The following HDAC5 variants were observed in gnomAD, a reference collection of about 807,000 sequenced individuals.
HDAC5 encodes the protein antigen NY-CO-9.
HDAC5 carries 25 observed loss-of-function variants against 133.3 expected under a neutral mutation model. The ratio of observed to expected loss-of-function variants is 0.19; its 90% CI spans 0.14 to 0.26. HDAC5 has a LOEUF of 0.26. HDAC5 is among the 10% of genes least tolerant of loss of function. The pLI is 1.00. For missense variants in HDAC5, 1,041 were observed against 1,460.5 expected (o/e 0.71, Z 4.68); for synonymous variants, 589 against 610.8 (o/e 0.96, Z 0.53).
At chr17:44,079,382 C>T (rs2050271137) in intron 23 of HDAC5, 105 bp from the exon 24 acceptor site, 2 of 1,185,678 alleles carry the variant, frequency 1.7e-6, no homozygotes, top group African/African-American at 3.0e-5. Flanking sequence ...TGGCTCACGC[C>T]TGTAATCCCA....
intron 11 of HDAC5, among the ~76,000 whole-genome samples, chr17:44,090,166 G>C (rs919816683): frequency 6.6e-6 from 1 of 151,676 alleles, no homozygotes. Flanking sequence ...CCGGGAGGCA[G>C]AGGTTGCAGT....
chr17:44,087,428 C>A lies in HDAC5; in HGVS notation c.1868G>T (p.Gly623Val). The A allele has an allele frequency of 1.8e-6, 2 of 1,106,450 alleles. No individual in the cohort carries two copies. The highest frequency in any genetic ancestry group is 3.4e-5 in the Admixed American group (2 of 59,178). 68.5% of individuals were successfully genotyped at this position (1,106,450 alleles called of 1,614,324 possible). A position where few individuals can be genotyped will look rare whatever the true frequency, so the allele number is the denominator to read the frequency against. The change falls in exon 13 of 27, where the codon GGT (glycine) becomes GTT (valine). Residue 623 changes from glycine (G) to valine (V), a missense_variant. By Grantham distance (109) the Gly-to-Val change is moderately radical. Around this residue, in one of 9 missense-constraint regions of HDAC5, gnomAD observed 433 missense variants for 531.6 expected, o/e 0.81. Transcript: ENST00000682912. ...GGGGCTCACTTTTTTGTATCCAGCA[C>A]CAGGCTCCTCCAAGTCGGGCCCCTC... is the stretch of plus-strand genomic sequence containing the variant. ...AEEGPDLEEP[G>V]AGYKKLFSDA... is the part of the protein sequence containing the mutation.
At chr17:44,089,747 CAAAAAAAAAAAA>C (rs869263828) in intron 11 of HDAC5, among the ~76,000 whole-genome samples, 7 of 34,070 alleles carry the variant, frequency 2.1e-4, no homozygotes, top group African/African-American at 5.1e-4. Flanking sequence ...AACTTCGTCT[CAAAAAAAAAAAA>C]AAAAAAAAAA....
intron 3 of HDAC5, among the ~76,000 whole-genome samples, chr17:44,108,768 A>AC (rs1052146972): frequency 4.8e-5 from 7 of 147,362 alleles, no homozygotes; most frequent in African/African-American, 1.8e-4. Flanking sequence ...AAAACAAAAA[A>AC]AAAACAAAAA....
At chr17:44,122,654 C>T (rs953680388) in intron 1 of HDAC5, among the ~76,000 whole-genome samples, 1 of 152,196 alleles carries the variant, frequency 6.6e-6, no homozygotes. Context: ...ACAGCCCCCA[C>T]CAAGCTCCCA....
chr17:44,123,525 C>A lies in HDAC5; in HGVS notation c.-211G>T. On this transcript the variant is annotated 5_prime_UTR_variant, in exon 1 of 27. Coordinates refer to ENST00000682912, the MANE Select transcript of HDAC5 (RefSeq NM_005474.5). ...TCACCCGCTGCGGCTCGAGCTCCGG[C>A]TTCGCGGGCGGCGGCGGCAGCAGCG... 1 of 394,984 alleles carries A rather than the reference C, an allele frequency of 2.5e-6. No individual in the cohort carries two copies. The highest frequency in any genetic ancestry group is 4.4e-6 in the Non-Finnish European group (1 of 224,906). The allele number at this position is 394,984 out of a possible 1,614,324, so 24.5% of individuals were successfully genotyped here. A position where few individuals can be genotyped will look rare whatever the true frequency, so the allele number is the denominator to read the frequency against.
At chr17:44,090,171 T>C (rs1471968213) in intron 11 of HDAC5, among the ~76,000 whole-genome samples, 3 of 151,170 alleles carry the variant, frequency 2.0e-5, no homozygotes, top group Admixed American at 2.0e-4. Flanking sequence ...AGGCAGAGGT[T>C]GCAGTGAGCC....
chr17:44,092,354 G>A lies in HDAC5; in HGVS notation c.919+27C>T, dbSNP rs201946651. Reference sequence around the variant, plus strand: ...CCGACCCCTGATTCCCAGACCCTCAGAACAGGTACATGAGAGCAGCCCTTA... The same window carrying A: ...CCGACCCCTGATTCCCAGACCCTCAAAACAGGTACATGAGAGCAGCCCTTA... On this transcript the variant is annotated intron_variant, in intron 8 of 26. Coordinates refer to ENST00000682912, the MANE Select transcript of HDAC5 (RefSeq NM_005474.5). The A allele has an allele frequency of 6.2e-4, 993 of 1,612,024 alleles. 4 individuals carry two copies. The highest frequency in any genetic ancestry group is 5.8e-3 in the Middle Eastern group (35 of 6,050).
At chr17:44,114,804 A>G (rs1391943427) in intron 2 of HDAC5, among the ~76,000 whole-genome samples, 1 of 152,222 alleles carries the variant, frequency 6.6e-6, no homozygotes, top group Non-Finnish European at 1.5e-5. Flanking sequence ...AGAAAAATAA[A>G]GACAGCCTTA....
At chr17:44,111,589 A>G in intron 2 of HDAC5, 1 of 517,772 alleles carries the variant, frequency 1.9e-6, no homozygotes, top group Non-Finnish European at 3.9e-6. Flanking sequence ...CTTCCAGAAC[A>G]GGTAAAGGAA....
At chr17:44,079,346 G>C (rs1264562705) in intron 23 of HDAC5, 69 bp from the exon 24 acceptor site, 8 of 1,539,262 alleles carry the variant, frequency 5.2e-6, no homozygotes, top group African/African-American at 1.4e-5. Context: ...GAGCCAGTAA[G>C]AGGAGAGAAA....
At chr17:44,082,453 C>T in intron 20 of HDAC5, 132 bp downstream of exon 20, 1 of 696,606 alleles carries the variant, frequency 1.4e-6, no homozygotes, top group African/African-American at 1.8e-5. Context: ...TCCTTCTGCA[C>T]CCACACCCAG....
intron 2 of HDAC5, among the ~76,000 whole-genome samples, chr17:44,113,206 A>C (rs1369880306): frequency 1.3e-5 from 2 of 152,218 alleles, no homozygotes; most frequent in Admixed American, 1.3e-4. Context: ...GGAAGGCGTC[A>C]GTTACCAGGA....
chr17:44,096,668 G>A (rs1477109312), intron 3 of HDAC5, among the ~76,000 whole-genome samples: 7 of 151,728 alleles, frequency 4.6e-5, no homozygotes, highest in Admixed American at 2.6e-4. Flanking sequence ...TAGACACAAG[G>A]TTTCACCATG....
intron 11 of HDAC5, among the ~76,000 whole-genome samples, 177 bp downstream of exon 11, chr17:44,091,093 C>G (rs549555551): frequency 6.6e-6 from 1 of 152,354 alleles, no homozygotes; most frequent in Admixed American, 6.5e-5. Flanking sequence ...AAGATGGCAG[C>G]AGATTTTGTC....
At chr17:44,098,142 G>A (rs1168196357) in intron 3 of HDAC5, among the ~76,000 whole-genome samples, 1 of 152,038 alleles carries the variant, frequency 6.6e-6, no homozygotes, top group Non-Finnish European at 1.5e-5. Flanking sequence ...CTCTGCCTGA[G>A]TCAGGGAAAG....
intron 3 of HDAC5, among the ~76,000 whole-genome samples, chr17:44,095,982 C>A (rs937574262): frequency 6.6e-6 from 1 of 152,070 alleles, no homozygotes; most frequent in Non-Finnish European, 1.5e-5. Context: ...GCACGAAGTT[C>A]CAATGGGCTT....
In HDAC5 at chr17:44,099,318, C is replaced by T. The variant is rs1298464114; in HGVS notation, c.95-5484G>A. Among the ~76,000 whole-genome samples, 3 of 152,024 alleles carry T rather than the reference C, an allele frequency of 2.0e-5. No homozygotes were observed. In the East Asian group the frequency reaches 5.8e-4, roughly 29 times the overall value. On this transcript the variant is annotated intron_variant, in intron 3 of 26. Transcript: ENST00000682912. ...CACCCAGCTCTATACTTTCCTCTTT[C>T]CCAGCACTGAGAACCTTCCTTCTCC... is the stretch of plus-strand genomic sequence containing the variant.
rs2051067845 is a variant in HDAC5, at chr17:44,093,432, C to T, written c.408G>A (p.Lys136=). The change falls in exon 5 of 27, where the codon AAG becomes AAA. Residue 136 remains lysine, a synonymous_variant. Transcript: ENST00000682912. The part of the protein sequence containing the change: ...AKQQQEMLAA[K]RQQELEQQRQ... ...GCTGCTGCTCCAGCTCCTGCTGCCG[C>T]TTGGCTGCCAGCATCTCCTGCTGCT... 1.2e-6 allele frequency: 2 copies of T among 1,603,012 alleles called. No individual in the cohort carries two copies. The highest frequency in any genetic ancestry group is 2.2e-5 in the East Asian group (1 of 44,684).
Sources: gnomAD v4.1 joint callset for allele counts (sites outside exome capture counted in the v4.1 genomes callset) on GRCh38, gnomAD v4.1.1 for gene constraint, gnomAD v4.1.1 regional missense constraint, MANE v1.5 for transcripts, NCBI Gene and HGNC (gene_info 2026-07-23, HGNC 2026-07-21) for gene names.